PATJ: variants seen among roughly 807,000 people sequenced by gnomAD.
PATJ encodes the protein PATJ crumbs cell polarity complex component, also known as inaD-like protein.
A neutral mutation model predicts 224.9 loss-of-function variants in PATJ; 190 were observed. The observed-to-expected ratio is 0.84, with a 90% confidence interval of 0.75 to 0.95. The LOEUF (loss-of-function observed/expected upper bound fraction) is 0.95, where lower values mean the gene tolerates loss of function less well. Ranked by LOEUF, PATJ falls within the 40% of genes least tolerant of loss-of-function variation. PATJ has a pLI of 0.00. For missense variants in PATJ, 2,121 were observed against 2,270.3 expected, an observed-to-expected ratio of 0.93 and a Z score of 1.34; for synonymous variants, 769 against 820.3, an observed-to-expected ratio of 0.94 and a Z score of 1.07.
chr1:61,942,475 A>G (rs1465402439), intron 27 of PATJ, among the ~76,000 whole-genome samples: 1 of 152,142 alleles, frequency 6.6e-6, no homozygotes, highest in Non-Finnish European at 1.5e-5. Flanking sequence ...AATGATAGAC[A>G]GTACAACTGG....
At chr1:61,899,512 AACCTTCCAAGG>A in intron 22 of PATJ, 60 bp from the exon 23 acceptor site, 1 of 1,026,190 alleles carries the variant, frequency 9.7e-7, no homozygotes. Context: ...ACAATTTCAA[AACCTTCCAAGG>A]ACCTTTAATA....
intron 26 of PATJ, among the ~76,000 whole-genome samples, chr1:61,916,733 C>T (rs1419199829): frequency 1.3e-5 from 2 of 152,000 alleles, no homozygotes; most frequent in Non-Finnish European, 2.9e-5. Flanking sequence ...AATGGGAGAC[C>T]GGAATTGTAT....
At chr1:62,158,127 C>CT (rs1184829439) in intron 43 of PATJ, among the ~76,000 whole-genome samples, 1 of 149,530 alleles carries the variant, frequency 6.7e-6, no homozygotes, top group Non-Finnish European at 1.5e-5. Context: ...TCTGAGAAGA[C>CT]TAAGTGACCA....
intron 20 of PATJ, among the ~76,000 whole-genome samples, chr1:61,869,916 CG>C (rs1256467922): frequency 6.6e-6 from 1 of 152,218 alleles, no homozygotes; most frequent in Non-Finnish European, 1.5e-5. Context: ...GCAGGCCCAG[CG>C]GCAGCATCTA....
rs1658900933 is a variant in PATJ at position 62,079,484 on chromosome 1, C to T, written c.4160C>T (p.Thr1387Ile). ...CAGATGAAACAGCAAAAATATCCAA[C>T]AAAAGTCTCCTTCAGTTCACAAGAG... ...VSQMKQQKYP[T>I]KVSFSSQEIP... is the part of the protein sequence containing the mutation. Residue 1387 changes from threonine to isoleucine, a missense_variant, in exon 32 of 44, where the codon ACA (threonine) becomes ATA (isoleucine). By Grantham distance (89) the Thr-to-Ile change is moderately conservative. Coordinates refer to ENST00000642238, the MANE Select transcript of PATJ (RefSeq NM_001350145.3). 5 of 1,613,838 alleles carry T rather than the reference C, an allele frequency of 3.1e-6. No individual in the cohort carries two copies. Among genetic ancestry groups the T allele is most frequent in the Non-Finnish European group, 4.2e-6 (5 of 1,179,738 alleles).
chr1:61,856,773 A>T (rs1360142634), intron 18 of PATJ, among the ~76,000 whole-genome samples: 1 of 151,998 alleles, frequency 6.6e-6, no homozygotes, highest in Non-Finnish European at 1.5e-5. Flanking sequence ...TTGTATTTTT[A>T]GTAGAGATGG....
intron 13 of PATJ, among the ~76,000 whole-genome samples, chr1:61,808,226 G>A (rs987451990): frequency 1.3e-5 from 2 of 152,038 alleles, no homozygotes; most frequent in African/African-American, 4.8e-5. Context: ...ATATATATGT[G>A]CCCATCACCT....
intron 41 of PATJ, among the ~76,000 whole-genome samples, chr1:62,141,806 T>C (rs1251480902): frequency 6.6e-6 from 1 of 151,856 alleles, no homozygotes; most frequent in African/African-American, 2.4e-5. Flanking sequence ...CCATCTCTAC[T>C]AAAAATACAA....
chr1:62,030,214 C>T (rs997369955), intron 29 of PATJ, among the ~76,000 whole-genome samples: 9 of 152,190 alleles, frequency 5.9e-5, no homozygotes, highest in Admixed American at 2.0e-4. Context: ...TAATAGCAAC[C>T]GAGGATGTAG....
At chr1:61,816,261 A>G (rs953902971) in intron 14 of PATJ, among the ~76,000 whole-genome samples, 2 of 152,162 alleles carry the variant, frequency 1.3e-5, no homozygotes, top group African/African-American at 4.8e-5. Flanking sequence ...TTTGCTTTAA[A>G]TATATTTTCT....
chr1:61,906,773 A>T (rs890065238), intron 24 of PATJ, among the ~76,000 whole-genome samples: 1 of 152,148 alleles, frequency 6.6e-6, no homozygotes, highest in East Asian at 1.9e-4. Flanking sequence ...ATAACCAGCC[A>T]TGGTATCTGG....
intron 26 of PATJ, among the ~76,000 whole-genome samples, chr1:61,923,019 A>G (rs1674557216): frequency 6.6e-6 from 1 of 152,260 alleles, no homozygotes; most frequent in African/African-American, 2.4e-5. Context: ...TGTGATTCTT[A>G]TCAACTTTGG....
chr1:61,822,187 T>TA (rs1261029557), intron 14 of PATJ, among the ~76,000 whole-genome samples: 1 of 152,090 alleles, frequency 6.6e-6, no homozygotes, highest in African/African-American at 2.4e-5. Context: ...GACTCTGCAT[T>TA]CAGGTAAGGA....
intron 30 of PATJ, among the ~76,000 whole-genome samples, chr1:62,042,363 G>A (rs1476831792): frequency 6.6e-6 from 1 of 152,156 alleles, no homozygotes; most frequent in African/African-American, 2.4e-5. Flanking sequence ...TGAAGAGGAC[G>A]CATATCCCTG....
At chr1:62,092,284 G>A (rs1660842907) in intron 33 of PATJ, among the ~76,000 whole-genome samples, 1 of 151,966 alleles carries the variant, frequency 6.6e-6, no homozygotes, top group Non-Finnish European at 1.5e-5. Context: ...GCAGGCTGAG[G>A]CAGGAAGATG....
At chr1:61,820,488 A>G (rs1054248731) in intron 14 of PATJ, among the ~76,000 whole-genome samples, 13 of 152,056 alleles carry the variant, frequency 8.5e-5, no homozygotes, top group Admixed American at 7.2e-4. Context: ...GATTACAGGC[A>G]TGTGCCACCA....
At chr1:62,068,415 C>A (rs144115274) in intron 31 of PATJ, among the ~76,000 whole-genome samples, 6 of 152,298 alleles carry the variant, frequency 3.9e-5, no homozygotes, top group Non-Finnish European at 8.8e-5. Flanking sequence ...CTGCTGCTGC[C>A]AGGGTTCTCT....
chr1:62,071,490 CTT>C (rs747065507), intron 31 of PATJ, among the ~76,000 whole-genome samples: 142 of 117,726 alleles, frequency 1.2e-3, no homozygotes, highest in African/African-American at 4.1e-3. Flanking sequence ...TTGTAGATCA[CTT>C]TTTTTTTTTT....
chr1:61,888,916 G>A (rs1452954244), intron 22 of PATJ, among the ~76,000 whole-genome samples: 2 of 152,220 alleles, frequency 1.3e-5, no homozygotes, highest in African/African-American at 2.4e-5. Flanking sequence ...GATTAGCCTT[G>A]CACTTGAAAG....
Sources: gnomAD v4.1 joint callset for allele counts (sites outside exome capture counted in the v4.1 genomes callset) on GRCh38, gnomAD v4.1.1 for gene constraint, MANE v1.5 for transcripts, NCBI Gene and HGNC (gene_info 2026-07-23, HGNC 2026-07-21) for gene names.